Variants in C6orf163 observed in about 807,000 individuals in gnomAD.
C6orf163 encodes uncharacterized protein C6orf163.
C6orf163 carries 22 observed loss-of-function variants against 28.4 expected under a neutral mutation model. The observed-to-expected ratio is 0.78, with a 90% confidence interval of 0.55 to 1.11. C6orf163 has a LOEUF of 1.11. Among genes scored for constraint, C6orf163 ranks in the 50% least tolerant of loss-of-function variants. The pLI is 0.00. For synonymous variants in C6orf163, 110 were observed against 123.6 expected (o/e 0.89, Z 0.73); for missense variants, 342 against 389.1 (o/e 0.88, Z 1.02).
intron 3 of C6orf163, 62 bp downstream of exon 3, chr6:87,350,563 G>A: frequency 1.0e-6 from 1 of 975,430 alleles, no homozygotes. Context: ...AAGAAAAGTT[G>A]GCAAGGGAAT....
At chr6:87,348,205 G>A (rs378744) in intron 1 of C6orf163, 576,194 of 978,080 alleles carry the variant, frequency 0.59, 170,739 homozygotes, top group African/African-American at 0.63. Flanking sequence ...CTGATATTGC[G>A]TGGTCCTCTA....
At chr6:87,358,930 A>G (rs1010413222) in intron 4 of C6orf163, among the ~76,000 whole-genome samples, 4 of 152,200 alleles carry the variant, frequency 2.6e-5, no homozygotes, top group African/African-American at 9.7e-5. Flanking sequence ...TTATGATGCC[A>G]AAGCTTATGA....
chr6:87,352,340 C>T (rs1777428752), intron 3 of C6orf163, among the ~76,000 whole-genome samples: 1 of 152,142 alleles, frequency 6.6e-6, no homozygotes, highest in Non-Finnish European at 1.5e-5. Flanking sequence ...CTCATTCTGA[C>T]CTACAGACTC....
intron 3 of C6orf163, among the ~76,000 whole-genome samples, chr6:87,354,819 ATCT>A (rs1777473804): frequency 6.6e-6 from 1 of 152,218 alleles, no homozygotes; most frequent in African/African-American, 2.4e-5. Flanking sequence ...TGTTGAAATA[ATCT>A]TCTAAGAAGC....
At chr6:87,362,667 G>T (rs1302276456) in intron 4 of C6orf163, among the ~76,000 whole-genome samples, 1 of 152,174 alleles carries the variant, frequency 6.6e-6, no homozygotes, top group African/African-American at 2.4e-5. Flanking sequence ...GGCTACGGAG[G>T]CTAAAGAAAG....
At chr6:87,356,735 GA>G in intron 4 of C6orf163, 2 of 449,722 alleles carry the variant, frequency 4.4e-6, no homozygotes, top group Non-Finnish European at 7.9e-6. Context: ...TTAAGGGATT[GA>G]AAATTGCTGT....
At chr6:87,350,314 T>A (rs1438544269) in intron 2 of C6orf163, 80 bp from the exon 3 acceptor site, 2 of 853,952 alleles carry the variant, frequency 2.3e-6, no homozygotes, top group South Asian at 1.6e-5. Flanking sequence ...AAAACCTGAT[T>A]TACCAACATC....
At chr6:87,353,101 G>T (rs958142994) in intron 3 of C6orf163, among the ~76,000 whole-genome samples, 4 of 152,124 alleles carry the variant, frequency 2.6e-5, no homozygotes, top group African/African-American at 9.7e-5. Flanking sequence ...TGCTATGTGA[G>T]GCAGTAAATG....
chr6:87,360,130 C>T (rs1174877202), intron 4 of C6orf163, among the ~76,000 whole-genome samples: 1 of 152,186 alleles, frequency 6.6e-6, no homozygotes. Context: ...TGCTCCTCCT[C>T]TGTGCGTGGT....
chr6:87,344,982 A>G lies in C6orf163; in HGVS notation c.-118A>G. ...TTAATCCTTACCAGCCTCTAGCATTATCCTAAAACCCTGAACCTCTTCCAG... is the reference window on the plus strand; with the variant it reads ...TTAATCCTTACCAGCCTCTAGCATTGTCCTAAAACCCTGAACCTCTTCCAG... On this transcript the variant is annotated 5_prime_UTR_variant, in exon 1 of 5. Coordinates refer to ENST00000388923, the MANE Select transcript of C6orf163 (RefSeq NM_001010868.3). 2.6e-6 allele frequency: 2 copies of G among 772,432 alleles called. No homozygotes were observed. Among genetic ancestry groups the G allele is most frequent in the African/African-American group, 1.8e-5 (1 of 56,982 alleles). The allele number at this position is 772,432 out of a possible 1,614,324, so 47.8% of individuals were successfully genotyped here.
intron 4 of C6orf163, among the ~76,000 whole-genome samples, chr6:87,360,138 G>T (rs1269417189): frequency 6.6e-6 from 1 of 152,092 alleles, no homozygotes; most frequent in African/African-American, 2.4e-5. Flanking sequence ...CTCTGTGCGT[G>T]GTGATCCTTC....
At chr6:87,352,003 T>C (rs1223171405) in intron 3 of C6orf163, among the ~76,000 whole-genome samples, 1 of 152,214 alleles carries the variant, frequency 6.6e-6, no homozygotes, top group East Asian at 1.9e-4. Flanking sequence ...TTAAATAATG[T>C]TATTGTACCC....
At chr6:87,351,729 G>A (rs1030708454) in intron 3 of C6orf163, among the ~76,000 whole-genome samples, 6 of 152,148 alleles carry the variant, frequency 3.9e-5, no homozygotes, top group Admixed American at 2.0e-4. Flanking sequence ...ATAGTTACCC[G>A]CTAAGCCCTC....
chr6:87,361,802 C>T (rs560181140), intron 4 of C6orf163, among the ~76,000 whole-genome samples: 1 of 152,288 alleles, frequency 6.6e-6, no homozygotes, highest in African/African-American at 2.4e-5. Context: ...TGCTTGCAGT[C>T]ACAGATTCTG....
chr6:87,356,055 T>C, intron 3 of C6orf163: 1 of 438,706 alleles, frequency 2.3e-6, no homozygotes, highest in Non-Finnish European at 4.1e-6. Flanking sequence ...CTATTTTCTT[T>C]TTTCCATATT....
At chr6:87,347,868 GA>G (rs1200396473) in intron 1 of C6orf163, 3 of 985,384 alleles carry the variant, frequency 3.0e-6, no homozygotes, top group Non-Finnish European at 3.6e-6. Context: ...AGAAATCCCA[GA>G]GGAAGACCAG....
At position 87,345,045 on chromosome 6, in the gene C6orf163, T is replaced by TC; in HGVS notation, c.-54dup. ...TTCAGCTTTTCTTGAAACGACTTTT[T>TC]CTGATTCTAAGATTATTTTAACTGT... On this transcript the variant is annotated 5_prime_UTR_variant, in exon 1 of 5. Transcript: ENST00000388923. 1 of 1,422,902 alleles carries TC rather than the reference T, an allele frequency of 7.0e-7. No homozygotes were observed. The highest frequency in any genetic ancestry group is 9.3e-7 in the Non-Finnish European group (1 of 1,073,300). 88.1% of individuals were successfully genotyped at this position (1,422,902 alleles called of 1,614,324 possible). A position where few individuals can be genotyped will look rare whatever the true frequency, so the allele number is the denominator to read the frequency against.
Position 87,365,378 on chromosome 6 carries a change from C to T in C6orf163, c.972C>T (p.Asn324=), listed in dbSNP as rs552777430. The T allele has an allele frequency of 1.3e-6, 2 of 1,530,280 alleles. No individual in the cohort carries two copies. The highest frequency in any genetic ancestry group is 1.8e-6 in the Non-Finnish European group (2 of 1,135,428). 94.8% of individuals were successfully genotyped at this position (1,530,280 alleles called of 1,614,324 possible). A position where few individuals can be genotyped will look rare whatever the true frequency, so the allele number is the denominator to read the frequency against. ...CTTCTAATCTTGTTATTAAGGAGAA[C>T]AAAACAACTCTTGATTAGAAGTCTT... The part of the protein sequence containing the change: ...KTPSNLVIKE[N]KTTLD The change falls in exon 5 of 5, where the codon AAC becomes AAT. Residue 324 remains asparagine (N), a synonymous_variant. Coordinates refer to ENST00000388923, the MANE Select transcript of C6orf163 (RefSeq NM_001010868.3).
intron 1 of C6orf163, chr6:87,348,330 A>C (rs1777359114): frequency 1.0e-6 from 1 of 986,100 alleles, no homozygotes; most frequent in Non-Finnish European, 1.2e-6. Context: ...TCTACCCCTT[A>C]GCTCACTCCA....
Sources: allele counts gnomAD v4.1 joint callset (sites outside exome capture counted in the v4.1 genomes callset), GRCh38; gene constraint gnomAD v4.1.1; transcripts MANE v1.5; gene names NCBI Gene and HGNC (gene_info 2026-07-23, HGNC 2026-07-21).